CTTNBP2: variants seen among roughly 807,000 people sequenced by gnomAD.
CTTNBP2 encodes the protein cortactin-binding protein 2.
CTTNBP2 carries 108 observed loss-of-function variants against 156.9 expected under a neutral mutation model. The ratio of observed to expected loss-of-function variants is 0.69; its 90% confidence interval spans 0.59 to 0.81. CTTNBP2 has a LOEUF of 0.81. Ranked by LOEUF, CTTNBP2 falls within the 30% of genes least tolerant of loss-of-function variation. The probability of loss-of-function intolerance (pLI) is 0.00; values close to 1 mark genes in which losing one functional copy is unlikely to be tolerated. For missense variants in CTTNBP2, 1,924 were observed against 2,035.4 expected (o/e 0.95, Z 1.05); for synonymous variants, 767 against 751.8 (o/e 1.02, Z -0.33).
chr7:117,712,137 G>A (rs1012703113), intron 22 of CTTNBP2, among the ~76,000 whole-genome samples: 1 of 152,084 alleles, frequency 6.6e-6, no homozygotes, highest in Admixed American at 6.6e-5. Flanking sequence ...ATGTCACCTT[G>A]GGTAAATCAC....
chr7:117,718,499 TTG>T, intron 21 of CTTNBP2, among the ~76,000 whole-genome samples: 1 of 152,320 alleles, frequency 6.6e-6, no homozygotes, highest in South Asian at 2.1e-4. Flanking sequence ...GAATTCTACT[TTG>T]TCGTAGATAT....
At position 117,866,385 on chromosome 7, in the gene CTTNBP2, C is replaced by T. The variant is rs551545832; in HGVS notation, c.82-5069G>A. 2.6e-5 allele frequency among the ~76,000 whole-genome samples: 4 copies of T among 152,278 alleles called. No individual in the cohort carries two copies. In the East Asian group the frequency reaches 7.7e-4, roughly 29 times the overall value. On this transcript the variant is annotated intron_variant, in intron 1 of 22. Coordinates refer to ENST00000160373, the MANE Select transcript of CTTNBP2 (RefSeq NM_033427.3). ...ATTATGAGCCACAATGGCAGAGACA[C>T]CCCTCAGATCTTTCCTCAAACACAT...
At chr7:117,848,276 ACAG>A (rs1431306025) in intron 2 of CTTNBP2, among the ~76,000 whole-genome samples, 1 of 152,148 alleles carries the variant, frequency 6.6e-6, no homozygotes, top group African/African-American at 2.4e-5. Flanking sequence ...GATTCAGTTC[ACAG>A]CAGACCACTC....
intron 2 of CTTNBP2, among the ~76,000 whole-genome samples, chr7:117,846,986 C>A (rs1802624215): frequency 6.6e-6 from 1 of 152,030 alleles, no homozygotes; most frequent in African/African-American, 2.4e-5. Flanking sequence ...AACGTAAAGA[C>A]AAATTGACTT....
intron 2 of CTTNBP2, among the ~76,000 whole-genome samples, chr7:117,859,327 C>T (rs1405233887): frequency 1.3e-5 from 2 of 152,202 alleles, no homozygotes; most frequent in African/African-American, 2.4e-5. Flanking sequence ...TTTACGTCTA[C>T]TCTCACATTT....
At chr7:117,723,680 A>G (rs1301683766) in intron 19 of CTTNBP2, among the ~76,000 whole-genome samples, 1 of 151,272 alleles carries the variant, frequency 6.6e-6, no homozygotes, top group Admixed American at 6.6e-5. Context: ...AAGCTTACAT[A>G]TTTTTCACTT....
Position 117,760,507 on chromosome 7 carries a change from C to T in CTTNBP2, c.3100G>A (p.Asp1034Asn), listed in dbSNP as rs370440103. The change falls in exon 10 of 23, where the codon GAC becomes AAC. Residue 1034 changes from aspartate (D) to asparagine (N), a missense_variant. Physicochemically the swap from Asp to Asn is conservative, Grantham distance 23. Transcript: ENST00000160373. ...ISSDGWWSLE[D>N]VTCNNTTDSN... ...TCAGTGGTGTTATTGCAAGTCACGT[C>T]TTCCAGACTCCACCATCCATCAGAA... 6 of 1,614,034 alleles carry T rather than the reference C, an allele frequency of 3.7e-6. No homozygotes were observed. Among genetic ancestry groups the T allele is most frequent in the Non-Finnish European group, 5.1e-6 (6 of 1,179,992 alleles).
chr7:117,784,738 A>C (rs1232769813), intron 4 of CTTNBP2, among the ~76,000 whole-genome samples: 5 of 152,222 alleles, frequency 3.3e-5, no homozygotes, highest in Non-Finnish European at 7.3e-5. Context: ...GGTTTTAGGA[A>C]AACTTAAGAT....
chr7:117,719,482 GC>G (rs747884214), intron 21 of CTTNBP2, 21 bp downstream of exon 21: 15 of 1,598,146 alleles, frequency 9.4e-6, no homozygotes, highest in Non-Finnish European at 1.2e-5. Context: ...GCCATTCAAT[GC>G]CCCCCATTTG....
chr7:117,760,366 G>A, intron 10 of CTTNBP2, 69 bp downstream of exon 10: 3 of 1,475,678 alleles, frequency 2.0e-6, no homozygotes, highest in Non-Finnish European at 1.9e-6. Flanking sequence ...TAAGAATCAG[G>A]TTATGAAACC....
Position 117,735,268 on chromosome 7 carries a change from C to G in CTTNBP2, c.3688+1G>C. The G allele has an allele frequency of 6.2e-7, 1 of 1,612,252 alleles. No individual in the cohort carries two copies. The highest frequency in any genetic ancestry group is 8.5e-7 in the Non-Finnish European group (1 of 1,179,696). On this transcript the variant is annotated splice_donor_variant, in intron 15 of 22. Coordinates refer to ENST00000160373, the MANE Select transcript of CTTNBP2 (RefSeq NM_033427.3). LOFTEE classifies it high-confidence loss of function. Reference sequence around the variant, plus strand: ...CAGCATGGTCCCTTTATTAGCGTTACCTTTTTGGAAAGTGCAGGGGCTTTC... The same window carrying G: ...CAGCATGGTCCCTTTATTAGCGTTAGCTTTTTGGAAAGTGCAGGGGCTTTC...
intron 2 of CTTNBP2, among the ~76,000 whole-genome samples, chr7:117,815,338 A>G (rs1189124433): frequency 2.6e-5 from 4 of 152,200 alleles, no homozygotes; most frequent in African/African-American, 9.6e-5. Context: ...GTGCACTCAC[A>G]ACACAGAATA....
intron 1 of CTTNBP2, among the ~76,000 whole-genome samples, chr7:117,867,265 A>G (rs1386318629): frequency 6.6e-6 from 1 of 151,972 alleles, no homozygotes; most frequent in African/African-American, 2.4e-5. Flanking sequence ...CTAATCCTCC[A>G]TTCTCCTCTG....
intron 7 of CTTNBP2, among the ~76,000 whole-genome samples, chr7:117,779,329 G>A (rs1798275009): frequency 6.6e-6 from 1 of 152,012 alleles, no homozygotes; most frequent in African/African-American, 2.4e-5. Flanking sequence ...ATCCTCTTTT[G>A]ATACTTTCTT....
chr7:117,745,943 A>C lies in CTTNBP2; in HGVS notation c.3436-13T>G. 6.2e-7 allele frequency: 1 copy of C among 1,613,416 alleles called. No homozygotes were observed. Among genetic ancestry groups the C allele is most frequent in the Non-Finnish European group, 8.5e-7 (1 of 1,179,328 alleles). Reference sequence around the variant, plus strand: ...CCATTTGTCTGTGCTGTGATAAGAAAATAGGGTGATTAGTTCTACGCACTT... The same window carrying C: ...CCATTTGTCTGTGCTGTGATAAGAACATAGGGTGATTAGTTCTACGCACTT... On this transcript the variant is annotated splice_polypyrimidine_tract_variant and intron_variant, in intron 13 of 22. Transcript: ENST00000160373.
chr7:117,759,107 C>T (rs1797050689), intron 10 of CTTNBP2, among the ~76,000 whole-genome samples: 1 of 152,054 alleles, frequency 6.6e-6, no homozygotes, highest in Non-Finnish European at 1.5e-5. Context: ...TACATTATAA[C>T]AATTCTATAA....
At chr7:117,717,927 A>G in intron 22 of CTTNBP2, 91 bp downstream of exon 22, 2 of 808,028 alleles carry the variant, frequency 2.5e-6, no homozygotes, top group Non-Finnish European at 4.2e-6. Context: ...GTTTAAAAAA[A>G]TAACTCTGTG....
Position 117,873,333 on chromosome 7 carries a change from ACCGCCGCCTCCGCCGCGGCCC to A in CTTNBP2, c.62_81+1del, listed in dbSNP as rs774969660. The A allele has an allele frequency of 2.2e-5, 32 of 1,442,734 alleles. No individual in the cohort carries two copies. Among genetic ancestry groups the A allele is most frequent in the Middle Eastern group, 2.3e-4 (1 of 4,342 alleles). The allele number at this position is 1,442,734 out of a possible 1,614,324, so 89.4% of individuals were successfully genotyped here. ...CCGCGCCCGCCCCGGGAACTCGGTTACCGCCGCCTCCGCCGCGGCCCCCGCCGCGTCCTCCGGGGCCCGGGA... is the reference window on the plus strand; with the variant it reads ...CCGCGCCCGCCCCGGGAACTCGGTTACCGCCGCGTCCTCCGGGGCCCGGGA... On this transcript the variant is annotated splice_donor_variant and coding_sequence_variant, in exon 1 of 23. Coordinates refer to ENST00000160373, the MANE Select transcript of CTTNBP2 (RefSeq NM_033427.3). LOFTEE classifies it high-confidence loss of function.
chr7:117,800,684 T>C (rs1489042421), intron 3 of CTTNBP2, among the ~76,000 whole-genome samples: 1 of 151,988 alleles, frequency 6.6e-6, no homozygotes, highest in Non-Finnish European at 1.5e-5. Context: ...AAAGGAGTCA[T>C]AAATAGAAAA....
Sources: allele counts gnomAD v4.1 joint callset (sites outside exome capture counted in the v4.1 genomes callset), GRCh38; gene constraint gnomAD v4.1.1; transcripts MANE v1.5; gene names NCBI Gene and HGNC (gene_info 2026-07-23, HGNC 2026-07-21).